Variants in ZNF469 observed in about 807,000 individuals in gnomAD.
ZNF469 encodes the protein zinc finger protein 469.
A neutral mutation model predicts 1.0 loss-of-function variants in ZNF469; 1 was observed. That is an observed-to-expected ratio of 1.00 (90% confidence interval 0.35 to 4.73). The LOEUF (loss-of-function observed/expected upper bound fraction) is 4.73, where lower values mean the gene tolerates loss of function less well. ZNF469 is among the 30% of genes most tolerant of loss of function. The pLI, the probability that ZNF469 is intolerant of heterozygous loss-of-function variation, is 0.16. For missense variants in ZNF469, 6,100 were observed against 5,356.3 expected (o/e 1.14, Z -4.33); for synonymous variants, 2,703 against 2,363.4 (o/e 1.14, Z -4.17).
the ZNF469 span, among the ~76,000 whole-genome samples, chr16:88,188,388 C>T: frequency 6.6e-6 from 1 of 150,556 alleles, no homozygotes; most frequent in African/African-American, 2.4e-5. Flanking sequence ...GTACTGTCAT[C>T]CTGGGGGCCT....
At chr16:88,420,075 G>T (rs868333771) in intron 1 of ZNF469, among the ~76,000 whole-genome samples, 14 of 152,224 alleles carry the variant, frequency 9.2e-5, no homozygotes, top group Admixed American at 2.0e-4. Flanking sequence ...CCACACGCAG[G>T]TTCCATGTGT....
In ZNF469 at chr16:88,439,367, C is replaced by T. The variant is rs1347263336; in HGVS notation, c.*35C>T. On this transcript the variant is annotated 3_prime_UTR_variant, in exon 3 of 3. Coordinates refer to ENST00000565624, the MANE Select transcript of ZNF469 (RefSeq NM_001367624.2). ...GCAAGAGCCTGGGACCGGAGCTGGG[C>T]GTTCCTGTCTCGGCCTGCCTCCTTG... 7 of 1,548,554 alleles carry T rather than the reference C, an allele frequency of 4.5e-6. No individual in the cohort carries two copies. Among genetic ancestry groups the T allele is most frequent in the African/African-American group, 1.4e-5 (1 of 73,058 alleles).
chr16:88,195,916 C>T, the ZNF469 span, among the ~76,000 whole-genome samples: 1 of 152,258 alleles, frequency 6.6e-6, no homozygotes, highest in Non-Finnish European at 1.5e-5. Flanking sequence ...CCGAGCAGGA[C>T]TTGATGCCCA....
chr16:88,328,723 G>C, the ZNF469 span, among the ~76,000 whole-genome samples: 1 of 152,332 alleles, frequency 6.6e-6, no homozygotes, highest in East Asian at 1.9e-4. Flanking sequence ...ACACACAGCT[G>C]AGTGCAATGG....
intron 2 of ZNF469, among the ~76,000 whole-genome samples, 139 bp from the exon 3 acceptor site, chr16:88,427,206 G>A (rs1905748036): frequency 6.6e-6 from 1 of 152,132 alleles, no homozygotes; most frequent in African/African-American, 2.4e-5. Flanking sequence ...CCTTCTAAGC[G>A]CGGAGCTTCT....
chr16:88,192,440 A>G, the ZNF469 span, among the ~76,000 whole-genome samples: 2 of 152,226 alleles, frequency 1.3e-5, no homozygotes, highest in Non-Finnish European at 2.9e-5. Context: ...GGAAGATGAC[A>G]TGCGGTAATA....
the ZNF469 span, among the ~76,000 whole-genome samples, chr16:88,229,926 G>T: frequency 1.3e-5 from 2 of 152,212 alleles, no homozygotes; most frequent in African/African-American, 4.8e-5. Context: ...CTCTCCCGGG[G>T]GCGCGCTCTG....
chr16:88,229,744 C>A, the ZNF469 span, among the ~76,000 whole-genome samples: 1 of 152,032 alleles, frequency 6.6e-6, no homozygotes, highest in Admixed American at 6.5e-5. Context: ...CATGCAGGAC[C>A]GCAGCTCCCT....
the ZNF469 span, among the ~76,000 whole-genome samples, chr16:88,317,715 T>C: frequency 2.0e-5 from 3 of 152,334 alleles, no homozygotes; most frequent in African/African-American, 7.2e-5. Context: ...AGGAAGTCCA[T>C]GTGCAGCTTC....
the ZNF469 span, among the ~76,000 whole-genome samples, chr16:88,229,073 A>C: frequency 9.9e-5 from 15 of 152,252 alleles, no homozygotes; most frequent in African/African-American, 3.4e-4. Context: ...GGGACTGCAG[A>C]CTTTTCCAAA....
rs557364171 is a variant in ZNF469, at chr16:88,436,684, G to C, written c.9214G>C (p.Gly3072Arg). ...CTTTGAAGACCCCGTGGGTCTCCCC[G>C]GCCCCAGCTTCTTAGACTTCGAGGG... ...GPFEDPVGLP[G>R]PSFLDFEGTA... is the part of the protein sequence containing the mutation. The change falls in exon 3 of 3, where the codon GGC becomes CGC. Residue 3072 changes from glycine (G) to arginine (R), a missense_variant. By Grantham distance (125) the Gly-to-Arg change is moderately radical. Coordinates refer to ENST00000565624, the MANE Select transcript of ZNF469 (RefSeq NM_001367624.2). The C allele has an allele frequency of 6.5e-7, 1 of 1,550,096 alleles. No individual in the cohort carries two copies. The highest frequency in any genetic ancestry group is 1.4e-5 in the African/African-American group (1 of 73,052).
chr16:88,291,452 G>A, the ZNF469 span, among the ~76,000 whole-genome samples: 35 of 152,248 alleles, frequency 2.3e-4, no homozygotes, highest in East Asian at 9.6e-4. Context: ...TCTGTCCTTC[G>A]CCAAGTCCTG....
chr16:88,311,289 C>T, the ZNF469 span, among the ~76,000 whole-genome samples: 2 of 152,318 alleles, frequency 1.3e-5, no homozygotes, highest in African/African-American at 4.8e-5. Flanking sequence ...AGGCCTCACT[C>T]TTTTTAAAGC....
At position 88,438,955 on chromosome 16, in the gene ZNF469, G is replaced by C; in HGVS notation, c.11485G>C (p.Glu3829Gln). 3 of 1,550,556 alleles carry C rather than the reference G, an allele frequency of 1.9e-6. No individual in the cohort carries two copies. The highest frequency in any genetic ancestry group is 2.6e-6 in the Non-Finnish European group (3 of 1,146,978). Residue 3829 changes from glutamate (E) to glutamine (Q), a missense_variant, in exon 3 of 3, where the codon GAA becomes CAA. Coordinates refer to ENST00000565624, the MANE Select transcript of ZNF469 (RefSeq NM_001367624.2). ...KGQVPGPARS[E>Q]SVGSFGRAPS... ...CCAGGTCCCAGGGCCAGCCAGGAGT[G>C]AAAGTGTGGGGAGCTTCGGGAGAGC...
the ZNF469 span, among the ~76,000 whole-genome samples, chr16:88,175,332 C>T: frequency 2.6e-5 from 4 of 152,214 alleles, no homozygotes; most frequent in African/African-American, 9.7e-5. Flanking sequence ...ATGTGGAAGA[C>T]CTGAAGAACG....
chr16:88,181,971 C>T, the ZNF469 span, among the ~76,000 whole-genome samples: 3 of 152,260 alleles, frequency 2.0e-5, no homozygotes, highest in Non-Finnish European at 4.4e-5. Flanking sequence ...ACATGATCAT[C>T]GATGTAGAAA....
chr16:88,382,226 CA>C (rs1293797264), upstream of ZNF469, among the ~76,000 whole-genome samples: 2 of 152,188 alleles, frequency 1.3e-5, no homozygotes, highest in Non-Finnish European at 2.9e-5. Flanking sequence ...CGTACTGGGC[CA>C]GGGGGCTCTG....
At chr16:88,111,341 C>T in the ZNF469 span, among the ~76,000 whole-genome samples, 1 of 152,202 alleles carries the variant, frequency 6.6e-6, no homozygotes, top group Non-Finnish European at 1.5e-5. Context: ...GTAACAATCA[C>T]ATCAGAGAGA....
chr16:88,134,097 C>CAATGAATGAATGAATG, the ZNF469 span, among the ~76,000 whole-genome samples: 1,882 of 150,736 alleles, frequency 0.012, 44 homozygotes, highest in African/African-American at 0.044. Flanking sequence ...GTCTCTGTCT[C>CAATGAATGAATGAATG]AATGAATGAA....
Sources: gnomAD v4.1 joint callset for allele counts (sites outside exome capture counted in the v4.1 genomes callset) on GRCh38, gnomAD v4.1.1 for gene constraint, MANE v1.5 for transcripts, NCBI Gene and HGNC (gene_info 2026-07-23, HGNC 2026-07-21) for gene names.